The following TOGARAM1 variants were observed in gnomAD, a reference collection of about 807,000 sequenced individuals.
TOGARAM1 encodes TOG array regulator of axonemal microtubules 1, also known as TOG array regulator of axonemal microtubules protein 1.
TOGARAM1 carries 100 observed loss-of-function variants against 166.6 expected under a neutral mutation model. That is an observed-to-expected ratio of 0.60 (90% CI 0.51 to 0.71). TOGARAM1 has a LOEUF of 0.71. Ranked by LOEUF, TOGARAM1 falls within the 30% of genes least tolerant of loss-of-function variation. The probability of loss-of-function intolerance (pLI) is 0.00; values close to 1 mark genes in which losing one functional copy is unlikely to be tolerated. For synonymous variants in TOGARAM1, 758 were observed against 763.8 expected, an observed-to-expected ratio of 0.99 and a Z score of 0.13; for missense variants, 2,029 against 2,102.7, an observed-to-expected ratio of 0.96 and a Z score of 0.69.
rs368377290 is a variant in TOGARAM1, at chr14:44,992,648, C to G, written c.2047-3098C>G. 1.1e-4 allele frequency among the ~76,000 whole-genome samples: 14 copies of G among 129,508 alleles called. No homozygotes were observed. The East Asian group carries it at 1.8e-3, about 17-fold the overall frequency. 85.0% of individuals were successfully genotyped at this position (129,508 alleles called of 152,430 possible). On this transcript the variant is annotated intron_variant, in intron 1 of 19. Coordinates refer to ENST00000361462, the MANE Select transcript of TOGARAM1 (RefSeq NM_001308120.2). ...TTTTTTTTTTTTTTGAGATGAGTCT[C>G]CCTCTGCCTCCCAGGCTGGAGTGCA... is the stretch of plus-strand genomic sequence containing the variant.
At chr14:44,968,262 T>G (rs1885668472) in intron 1 of TOGARAM1, among the ~76,000 whole-genome samples, 1 of 152,214 alleles carries the variant, frequency 6.6e-6, no homozygotes, top group East Asian at 1.9e-4. Context: ...GACTTTATTT[T>G]TTATTTATTT....
chr14:44,990,953 C>CTTTTTTTTTT lies in TOGARAM1; in HGVS notation c.2047-4779_2047-4770dup, dbSNP rs1171702041. ...TGTGAGCCACTACACCCAGCTGAGGCTTTTTTTTTTTTTTTTTTTTTTTGG... is the reference window on the plus strand; with the variant it reads ...TGTGAGCCACTACACCCAGCTGAGGCTTTTTTTTTTTTTTTTTTTTTTTTTTTTTTTTTGG... On this transcript the variant is annotated intron_variant, in intron 1 of 19. Transcript: ENST00000361462. Among the ~76,000 whole-genome samples, 81 of 74,188 alleles carry CTTTTTTTTTT rather than the reference C, an allele frequency of 1.1e-3. 17 individuals carry two copies. Among genetic ancestry groups the CTTTTTTTTTT allele is most frequent in the African/African-American group, 5.1e-3 (71 of 13,946 alleles). The allele number at this position is 74,188 out of a possible 152,430, so 48.7% of individuals were successfully genotyped here.
At chr14:45,052,994 A>G (rs1882447751) in intron 15 of TOGARAM1, among the ~76,000 whole-genome samples, 1 of 151,092 alleles carries the variant, frequency 6.6e-6, no homozygotes, top group African/African-American at 2.4e-5. Context: ...CACACTGCAG[A>G]ACATTTTTAG....
intron 8 of TOGARAM1, 100 bp from the exon 9 acceptor site, chr14:45,027,199 T>G (rs1178972411): frequency 9.0e-7 from 1 of 1,114,242 alleles, no homozygotes; most frequent in African/African-American, 1.6e-5. Context: ...ACTAACTGTG[T>G]TGTTTGATTC....
chr14:45,045,730 T>TA (rs1333441747), intron 13 of TOGARAM1, among the ~76,000 whole-genome samples: 1 of 131,994 alleles, frequency 7.6e-6, no homozygotes, highest in Non-Finnish European at 1.6e-5. Flanking sequence ...TATATACACA[T>TA]ATATATACAC....
At chr14:44,991,228 G>A (rs567506814) in intron 1 of TOGARAM1, among the ~76,000 whole-genome samples, 1 of 151,960 alleles carries the variant, frequency 6.6e-6, no homozygotes, top group African/African-American at 2.4e-5. Flanking sequence ...AAAGTGCTGA[G>A]ATTAAAAGCA....
intron 1 of TOGARAM1, among the ~76,000 whole-genome samples, chr14:44,972,237 G>C (rs549992161): frequency 6.6e-6 from 1 of 151,752 alleles, no homozygotes; most frequent in South Asian, 2.1e-4. Context: ...AATATTGTAT[G>C]ATTTCTATTC....
At chr14:45,058,664 A>G (rs1452296805) in intron 16 of TOGARAM1, among the ~76,000 whole-genome samples, 3 of 152,146 alleles carry the variant, frequency 2.0e-5, no homozygotes, top group Non-Finnish European at 4.4e-5. Context: ...TTTTATAAGC[A>G]GCATATAGTT....
chr14:44,997,652 G>A (rs568255946), intron 2 of TOGARAM1, among the ~76,000 whole-genome samples: 2 of 152,172 alleles, frequency 1.3e-5, no homozygotes, highest in African/African-American at 4.8e-5. Flanking sequence ...GGAGAGCATA[G>A]GAAGAAACTG....
At chr14:45,020,220 G>C (rs745808580) in intron 7 of TOGARAM1, among the ~76,000 whole-genome samples, 1 of 152,186 alleles carries the variant, frequency 6.6e-6, no homozygotes, top group Non-Finnish European at 1.5e-5. Flanking sequence ...TATGCTCTGC[G>C]TTGTATTCCA....
intron 1 of TOGARAM1, among the ~76,000 whole-genome samples, chr14:44,979,161 A>G (rs866795030): frequency 2.0e-5 from 3 of 150,720 alleles, no homozygotes; most frequent in African/African-American, 7.4e-5. Context: ...TTGCTTACCT[A>G]TAAGTCACCA....
At chr14:45,063,408 C>A (rs1478016830) in intron 16 of TOGARAM1, among the ~76,000 whole-genome samples, 1 of 149,798 alleles carries the variant, frequency 6.7e-6, no homozygotes, top group South Asian at 2.1e-4. Flanking sequence ...TAAAAGGGTT[C>A]AATTTTTTCA....
At chr14:44,987,765 A>G (rs1460988285) in intron 1 of TOGARAM1, among the ~76,000 whole-genome samples, 2 of 149,688 alleles carry the variant, frequency 1.3e-5, no homozygotes, top group Admixed American at 1.3e-4. Context: ...GTATATACCC[A>G]AAGGACTATA....
At chr14:44,989,653 T>G (rs942777027) in intron 1 of TOGARAM1, among the ~76,000 whole-genome samples, 1 of 152,154 alleles carries the variant, frequency 6.6e-6, no homozygotes, top group African/African-American at 2.4e-5. Context: ...TTCCACATCT[T>G]CCTGTTTTCT....
intron 3 of TOGARAM1, among the ~76,000 whole-genome samples, chr14:45,003,807 A>ATATGTATACAT (rs375115435): frequency 3.9e-5 from 6 of 151,990 alleles, no homozygotes; most frequent in Admixed American, 6.6e-5. Flanking sequence ...GTATGTATGT[A>ATATGTATACAT]ATTGATAAAA....
chr14:44,975,298 G>A lies in TOGARAM1; in HGVS notation c.2046+10831G>A, dbSNP rs369464790. Among the ~76,000 whole-genome samples, 7 of 152,126 alleles carry A rather than the reference G, an allele frequency of 4.6e-5. No individual in the cohort carries two copies. The South Asian group carries it at 1.5e-3, about 32-fold the overall frequency. ...ATATAAAAATAAATACTGAGTTGAA[G>A]CAAGTTTTATTTTCTGTTAGAGGGA... On this transcript the variant is annotated intron_variant, in intron 1 of 19. Transcript: ENST00000361462.
chr14:44,982,322 T>C (rs940339542), intron 1 of TOGARAM1, among the ~76,000 whole-genome samples: 5 of 152,190 alleles, frequency 3.3e-5, no homozygotes, highest in Admixed American at 3.3e-4. Context: ...TATTACAGAT[T>C]GATAACCAGA....
chr14:45,002,288 G>T (rs935482211), intron 3 of TOGARAM1, among the ~76,000 whole-genome samples: 1 of 152,156 alleles, frequency 6.6e-6, no homozygotes, highest in Non-Finnish European at 1.5e-5. Flanking sequence ...AGAGCTTGCT[G>T]TGCCACTTAA....
At chr14:45,011,276 T>G (rs1879774585) in intron 6 of TOGARAM1, among the ~76,000 whole-genome samples, 3 of 149,854 alleles carry the variant, frequency 2.0e-5, no homozygotes, top group Admixed American at 1.3e-4. Flanking sequence ...TAAGGATAGG[T>G]AGTAGTTAGA....
Sources: allele counts gnomAD v4.1 joint callset (sites outside exome capture counted in the v4.1 genomes callset), GRCh38; gene constraint gnomAD v4.1.1; transcripts MANE v1.5; gene names NCBI Gene and HGNC (gene_info 2026-07-23, HGNC 2026-07-21).